ZNF682: variants seen among roughly 807,000 people sequenced by gnomAD.
The protein encoded by ZNF682 is zinc finger protein 682.
ZNF682 carries 29 observed loss-of-function variants against 36.5 expected under a neutral mutation model. The observed-to-expected ratio is 0.80, with a 90% CI of 0.59 to 1.08. The LOEUF (loss-of-function observed/expected upper bound fraction) is 1.08. Ranked by LOEUF, ZNF682 falls within the 50% of genes least tolerant of loss-of-function variation. The probability of loss-of-function intolerance (pLI) is 0.00; values close to 1 mark genes in which losing one functional copy is unlikely to be tolerated. For missense variants in ZNF682, 561 were observed against 579.7 expected (o/e 0.97, Z 0.33); for synonymous variants, 180 against 197.0 (o/e 0.91, Z 0.72).
At chr19:20,033,923 G>A (rs571089842) in intron 1 of ZNF682, 2 of 155,052 alleles carry the variant, frequency 1.3e-5, no homozygotes, top group East Asian at 3.8e-4. Context: ...AAGAAGTCTG[G>A]ATGGAGTTGC....
intron 3 of ZNF682, chr19:19,997,350 T>G (rs1227552565): frequency 2.5e-6 from 1 of 398,034 alleles, no homozygotes; most frequent in Non-Finnish European, 4.4e-6. Context: ...TAAATAAGAG[T>G]ACTTGAAGTG....
intron 3 of ZNF682, among the ~76,000 whole-genome samples, chr19:20,010,810 C>A (rs1312082941): frequency 6.6e-6 from 1 of 151,448 alleles, no homozygotes; most frequent in Non-Finnish European, 1.5e-5. Flanking sequence ...AATAAAAATA[C>A]AAAAATTAGC....
chr19:20,018,222 T>C (rs1171677796), intron 3 of ZNF682, among the ~76,000 whole-genome samples: 4 of 149,202 alleles, frequency 2.7e-5, no homozygotes, highest in African/African-American at 9.8e-5. Context: ...GCCTCCCAAG[T>C]AGCTGGGACT....
chr19:20,015,222 C>T (rs183628582), intron 3 of ZNF682: 1 of 985,076 alleles, frequency 1.0e-6, no homozygotes, highest in African/African-American at 1.7e-5. Flanking sequence ...ATACATCCAC[C>T]AATGAATAGA....
chr19:20,014,090 A>T (rs565103735), intron 3 of ZNF682, among the ~76,000 whole-genome samples: 1 of 152,310 alleles, frequency 6.6e-6, no homozygotes, highest in African/African-American at 2.4e-5. Flanking sequence ...ATCCCCTTCA[A>T]ATTCCCAATT....
chr19:20,037,646 C>T (rs1230486464), intron 1 of ZNF682, among the ~76,000 whole-genome samples: 1 of 152,194 alleles, frequency 6.6e-6, no homozygotes, highest in Non-Finnish European at 1.5e-5. Flanking sequence ...CCAAGAGCCA[C>T]TGTGCTGTGC....
At chr19:20,000,253 C>T (rs796990009), downstream of ZNF682, among the ~76,000 whole-genome samples, 1 of 152,178 alleles carries the variant, frequency 6.6e-6, no homozygotes, top group East Asian at 1.9e-4. Context: ...GACCCCACCT[C>T]CTAGAGACAA....
At chr19:19,998,310 C>T (rs1352198174) in intron 3 of ZNF682, among the ~76,000 whole-genome samples, 1 of 152,094 alleles carries the variant, frequency 6.6e-6, no homozygotes, top group Non-Finnish European at 1.5e-5. Context: ...AATAGGGAGC[C>T]AGCGCTGCAA....
At chr19:19,999,518 A>G (rs1318351915), downstream of ZNF682, among the ~76,000 whole-genome samples, 1 of 151,592 alleles carries the variant, frequency 6.6e-6, no homozygotes, top group African/African-American at 2.4e-5. Flanking sequence ...TTATCATTGC[A>G]TGTTTCTTTT....
rs370545380 is a variant in ZNF682 at position 20,021,941 on chromosome 19, C to T, written c.226+1063G>A. On this transcript the variant is annotated intron_variant, in intron 3 of 3. Coordinates refer to ENST00000397165, the MANE Select transcript of ZNF682 (RefSeq NM_033196.3). ...ATCCCAGCACTTTGGGAGACCGAGGCGGGTGGATCACCTGAGGTCAGGAGT... is the reference window on the plus strand; with the variant it reads ...ATCCCAGCACTTTGGGAGACCGAGGTGGGTGGATCACCTGAGGTCAGGAGT... 2.6e-3 allele frequency among the ~76,000 whole-genome samples: 394 copies of T among 151,472 alleles called. 4 individuals carry two copies. Among genetic ancestry groups the T allele is most frequent in the African/African-American group, 9.1e-3 (374 of 41,256 alleles).
At chr19:20,039,318 G>A in intron 1 of ZNF682, 25 bp downstream of exon 1, 2 of 1,611,870 alleles carry the variant, frequency 1.2e-6, no homozygotes, top group Non-Finnish European at 1.7e-6. Context: ...CCCCCACCTC[G>A]GGATGCGCGG....
At chr19:19,995,359 T>G (rs1024433707), downstream of ZNF682, among the ~76,000 whole-genome samples, 2 of 152,066 alleles carry the variant, frequency 1.3e-5, no homozygotes, top group Non-Finnish European at 2.9e-5. Flanking sequence ...CGCGCACAGA[T>G]GAGGAGAGGT....
At chr19:20,016,082 G>A (rs951544501) in intron 3 of ZNF682, among the ~76,000 whole-genome samples, 3 of 152,246 alleles carry the variant, frequency 2.0e-5, no homozygotes, top group South Asian at 4.2e-4. Flanking sequence ...AAGCTGAGGC[G>A]GGTGGATCGC....
At chr19:20,029,310 C>T (rs1275230263) in intron 1 of ZNF682, among the ~76,000 whole-genome samples, 1 of 150,374 alleles carries the variant, frequency 6.7e-6, no homozygotes, top group South Asian at 2.1e-4. Context: ...TTTTTAAATG[C>T]ATGGAATAGG....
chr19:20,001,002 C>T (rs565344050), downstream of ZNF682, among the ~76,000 whole-genome samples: 7 of 152,300 alleles, frequency 4.6e-5, no homozygotes, highest in East Asian at 3.9e-4. Flanking sequence ...AGGTCCCAGA[C>T]TGAAATATGG....
chr19:19,995,323 C>T (rs904154072), downstream of ZNF682, among the ~76,000 whole-genome samples: 7 of 152,160 alleles, frequency 4.6e-5, no homozygotes, highest in African/African-American at 1.4e-4. Context: ...AAGAAACAAC[C>T]TGGGCTCCAG....
rs1178343315 is a variant in ZNF682 at position 20,015,450 on chromosome 19, T to C, written c.226+7554A>G. The stretch of plus-strand genomic sequence containing the variant: ...AAATGTACAGAGCTGAATACTGTCA[T>C]ACAAAATTATAATATATGAATAAAA... On this transcript the variant is annotated intron_variant, in intron 3 of 3. Coordinates refer to ENST00000397165, the MANE Select transcript of ZNF682 (RefSeq NM_033196.3). 1.2e-5 allele frequency: 12 copies of C among 977,814 alleles called. No homozygotes were observed. In the East Asian group the frequency reaches 9.1e-4, roughly 74 times the overall value. 60.6% of individuals were successfully genotyped at this position (977,814 alleles called of 1,614,324 possible).
chr19:20,016,065 C>A (rs1159155360), intron 3 of ZNF682, among the ~76,000 whole-genome samples: 1 of 152,160 alleles, frequency 6.6e-6, no homozygotes, highest in African/African-American at 2.4e-5. Flanking sequence ...AACCCTAGCA[C>A]TTTGGGAAGC....
chr19:20,013,259 T>G (rs1267630513), intron 3 of ZNF682, among the ~76,000 whole-genome samples: 1 of 151,868 alleles, frequency 6.6e-6, no homozygotes, highest in East Asian at 1.9e-4. Flanking sequence ...CATTATATAA[T>G]AATAAAAAGA....
Sources: gnomAD v4.1 joint callset for allele counts (sites outside exome capture counted in the v4.1 genomes callset) on GRCh38, gnomAD v4.1.1 for gene constraint, MANE v1.5 for transcripts, NCBI Gene and HGNC (gene_info 2026-07-23, HGNC 2026-07-21) for gene names.